The following B3GALT4 variants were observed in gnomAD, a reference collection of about 807,000 sequenced individuals.
B3GALT4 encodes the protein beta-1,3-galactosyltransferase 4.
A neutral mutation model predicts 1.6 loss-of-function variants in B3GALT4; 1 was observed. The observed-to-expected ratio is 0.64, with a 90% CI of 0.23 to 3.05. The LOEUF (loss-of-function observed/expected upper bound fraction) is 3.05, where lower values mean the gene tolerates loss of function less well. B3GALT4 is among the 30% of genes most tolerant of loss of function. The pLI, the probability that B3GALT4 is intolerant of heterozygous loss-of-function variation, is 0.21. For missense variants in B3GALT4, 441 were observed against 486.9 expected, an observed-to-expected ratio of 0.91 and a Z score of 0.89; for synonymous variants, 259 against 222.6, an observed-to-expected ratio of 1.16 and a Z score of -1.46.
At position 33,278,614 on chromosome 6, in the gene B3GALT4, G is replaced by C; in HGVS notation, c.*58G>C. On this transcript the variant is annotated 3_prime_UTR_variant, in exon 1 of 1. Coordinates refer to ENST00000451237, the MANE Select transcript of B3GALT4 (RefSeq NM_003782.4). The surrounding 1 kb of genome is among the most constrained non-coding windows in gnomAD (Gnocchi z 5.2). ...GGACCTTCTCTCTCCCAGGCCCAAC[G>C]CAGGGGCCCTCACTGGCTGCAGCTG... 6.7e-7 allele frequency: 1 copy of C among 1,501,130 alleles called. No homozygotes were observed. The highest frequency in any genetic ancestry group is 1.4e-5 in the South Asian group (1 of 72,726). The allele number at this position is 1,501,130 out of a possible 1,614,324, so 93.0% of individuals were successfully genotyped here. A position where few individuals can be genotyped will look rare whatever the true frequency, so the allele number is the denominator to read the frequency against.
chr6:33,278,350 C>A lies in B3GALT4; in HGVS notation c.931C>A (p.Leu311Met). 1 of 1,607,678 alleles carries A rather than the reference C, an allele frequency of 6.2e-7. No individual in the cohort carries two copies. Among genetic ancestry groups the A allele is most frequent in the Non-Finnish European group, 8.5e-7 (1 of 1,175,684 alleles). Residue 311 changes from leucine to methionine, a missense_variant, in exon 1 of 1, where the codon CTG becomes ATG. Physicochemically the swap from Leu to Met is conservative, Grantham distance 15. Transcript: ENST00000451237. This position sits in a 1 kb window ranked among gnomAD's most constrained non-coding sequence, Gnocchi z 5.2. The part of the protein sequence containing the change: ...GGLAPTQCVK[L>M]AGATHYPLDR... ...CCTCGCCCCAACACAGTGTGTCAAG[C>A]TGGCTGGTGCCACCCACTACCCGCT...
In B3GALT4 at chr6:33,278,570, C is replaced by G. The variant is rs1290763408; in HGVS notation, c.*14C>G. On this transcript the variant is annotated 3_prime_UTR_variant, in exon 1 of 1. Transcript: ENST00000451237. This position sits in a 1 kb window ranked among gnomAD's most constrained non-coding sequence, Gnocchi z 5.2. The stretch of plus-strand genomic sequence containing the variant: ...CTTCAGAGCTGAGAGTGCCTGGGGC[C>G]ACAGGAAAGGCAGGAACAGGACCTT... The G allele has an allele frequency of 2.0e-6, 3 of 1,519,648 alleles. No homozygotes were observed. In the South Asian group the frequency reaches 4.0e-5, roughly 20 times the overall value. 94.1% of individuals were successfully genotyped at this position (1,519,648 alleles called of 1,614,324 possible).
chr6:33,278,562 C>T lies in B3GALT4; in HGVS notation c.*6C>T, dbSNP rs754869913. ...TAGCCTGGCTTCAGAGCTGAGAGTGCCTGGGGCCACAGGAAAGGCAGGAAC... is the reference window on the plus strand; with the variant it reads ...TAGCCTGGCTTCAGAGCTGAGAGTGTCTGGGGCCACAGGAAAGGCAGGAAC... On this transcript the variant is annotated 3_prime_UTR_variant, in exon 1 of 1. Transcript: ENST00000451237. The surrounding 1 kb of genome is among the most constrained non-coding windows in gnomAD (Gnocchi z 5.2). 2 of 1,521,310 alleles carry T rather than the reference C, an allele frequency of 1.3e-6. No homozygotes were observed. The highest frequency in any genetic ancestry group is 8.8e-7 in the Non-Finnish European group (1 of 1,134,568). 94.2% of individuals were successfully genotyped at this position (1,521,310 alleles called of 1,614,324 possible).
rs751142174 is a variant in B3GALT4 at position 33,277,620 on chromosome 6, CG to C, written c.205del (p.Ala69ProfsTer16). On this transcript the variant is annotated frameshift_variant, in exon 1 of 1. Transcript: ENST00000451237. LOFTEE classifies it low-confidence loss of function (END_TRUNC). The surrounding 1 kb of genome is among the most constrained non-coding windows in gnomAD (Gnocchi z 5.3). Reference protein sequence around the residue: ...IPNQEACSGPGAPPFLLILVC... With the variant: ...IPNQEACSGPXAPPFLLILVC... ...CCAACCAGGAAGCTTGCAGTGGTCC[CG>C]GGGCCCCTCCCTTCCTGCTCATCCT... 6.2e-7 allele frequency: 1 copy of C among 1,613,248 alleles called. No individual in the cohort carries two copies. Among genetic ancestry groups the C allele is most frequent in the South Asian group, 1.1e-5 (1 of 91,042 alleles).
At position 33,277,379 on chromosome 6, in the gene B3GALT4, C is replaced by T. The variant is rs1467584944; in HGVS notation, c.-41C>T. The T allele has an allele frequency of 6.3e-7, 1 of 1,589,718 alleles. No homozygotes were observed. The highest frequency in any genetic ancestry group is 8.5e-7 in the Non-Finnish European group (1 of 1,171,544). Reference sequence around the variant, plus strand: ...GACCCAGGCCCGGGGAGCTAGTCTCCGCCCTTCGCTCTTACGGATCCCCTC... The same window carrying T: ...GACCCAGGCCCGGGGAGCTAGTCTCTGCCCTTCGCTCTTACGGATCCCCTC... On this transcript the variant is annotated 5_prime_UTR_variant, in exon 1 of 1. Coordinates refer to ENST00000451237, the MANE Select transcript of B3GALT4 (RefSeq NM_003782.4). The surrounding 1 kb of genome is among the most constrained non-coding windows in gnomAD (Gnocchi z 5.3).
chr6:33,278,086 C>T lies in B3GALT4; in HGVS notation c.667C>T (p.Pro223Ser), dbSNP rs142446578. 1.2e-6 allele frequency: 2 copies of T among 1,613,764 alleles called. No homozygotes were observed. Among genetic ancestry groups the T allele is most frequent in the African/African-American group, 2.7e-5 (2 of 74,904 alleles). Reference sequence around the variant, plus strand: ...CCAGGTTTTGCACAGCGAGGAAGTGCCTCTTCTGTACTTGGGCCGGGTGCA... The same window carrying T: ...CCAGGTTTTGCACAGCGAGGAAGTGTCTCTTCTGTACTTGGGCCGGGTGCA... ...GGQVLHSEEV[P>S]LLYLGRVHWR... The change falls in exon 1 of 1, where the codon CCT becomes TCT. Residue 223 changes from proline (P) to serine (S), a missense_variant. Pro to Ser is a moderately conservative substitution (Grantham distance 74). Coordinates refer to ENST00000451237, the MANE Select transcript of B3GALT4 (RefSeq NM_003782.4). The surrounding 1 kb of genome is among the most constrained non-coding windows in gnomAD (Gnocchi z 5.2).
rs61736930 is a variant in B3GALT4 at position 33,278,091 on chromosome 6, T to A, written c.672T>A (p.Leu224=). ...GQVLHSEEVP[L]LYLGRVHWRV... is the part of the protein sequence containing the mutation. ...TTTTGCACAGCGAGGAAGTGCCTCTTCTGTACTTGGGCCGGGTGCACTGGC... is the reference window on the plus strand; with the variant it reads ...TTTTGCACAGCGAGGAAGTGCCTCTACTGTACTTGGGCCGGGTGCACTGGC... Residue 224 remains leucine, a synonymous_variant, in exon 1 of 1, where the codon CTT becomes CTA. Coordinates refer to ENST00000451237, the MANE Select transcript of B3GALT4 (RefSeq NM_003782.4). The surrounding 1 kb of genome is among the most constrained non-coding windows in gnomAD (Gnocchi z 5.2). The A allele has an allele frequency of 0.012, 19,069 of 1,613,810 alleles. 158 individuals carry two copies. Among genetic ancestry groups the A allele is most frequent in the Non-Finnish European group, 0.015 (17,197 of 1,179,894 alleles).
chr6:33,277,347 C>G lies in B3GALT4; in HGVS notation c.-73C>G. 5 of 1,542,222 alleles carry G rather than the reference C, an allele frequency of 3.2e-6. No homozygotes were observed. The highest frequency in any genetic ancestry group is 4.3e-6 in the Non-Finnish European group (5 of 1,152,178). On this transcript the variant is annotated 5_prime_UTR_variant, in exon 1 of 1. Coordinates refer to ENST00000451237, the MANE Select transcript of B3GALT4 (RefSeq NM_003782.4). This position sits in a 1 kb window ranked among gnomAD's most constrained non-coding sequence, Gnocchi z 5.3. ...TCCCGGGCGTGGTCGGTTAAGTCCC[C>G]GGCCGTGACCCAGGCCCGGGGAGCT... is the stretch of plus-strand genomic sequence containing the variant.
In B3GALT4 at chr6:33,278,090, T is replaced by C; in HGVS notation, c.671T>C (p.Leu224Pro). The change falls in exon 1 of 1, where the codon CTT becomes CCT. Residue 224 changes from leucine (L) to proline (P), a missense_variant. By Grantham distance (98) the Leu-to-Pro change is moderately conservative. Transcript: ENST00000451237. The surrounding 1 kb of genome is among the most constrained non-coding windows in gnomAD (Gnocchi z 5.2). ...GQVLHSEEVP[L>P]LYLGRVHWRV... ...GTTTTGCACAGCGAGGAAGTGCCTC[T>C]TCTGTACTTGGGCCGGGTGCACTGG... 1 of 1,613,894 alleles carries C rather than the reference T, an allele frequency of 6.2e-7. No individual in the cohort carries two copies. Among genetic ancestry groups the C allele is most frequent in the African/African-American group, 1.3e-5 (1 of 75,016 alleles).
Position 33,278,664 on chromosome 6 carries a change from C to T in B3GALT4, c.*108C>T, listed in dbSNP as rs1745704789. 2 of 1,435,842 alleles carry T rather than the reference C, an allele frequency of 1.4e-6. No homozygotes were observed. Among genetic ancestry groups the T allele is most frequent in the Non-Finnish European group, 1.8e-6 (2 of 1,091,162 alleles). The allele number at this position is 1,435,842 out of a possible 1,614,324, so 88.9% of individuals were successfully genotyped here. A position where few individuals can be genotyped will look rare whatever the true frequency, so the allele number is the denominator to read the frequency against. ...GATCTGTTTCCTTATACCAGATCCT[C>T]AGTCTCACTAAAGACAGCGATATGG... On this transcript the variant is annotated 3_prime_UTR_variant, in exon 1 of 1. Transcript: ENST00000451237. The surrounding 1 kb of genome is among the most constrained non-coding windows in gnomAD (Gnocchi z 5.2).
rs952376060 is a variant in B3GALT4 at position 33,277,282 on chromosome 6, C to T, written c.-138C>T. ...AGCTGCACCGCCTCTCCCCGCCCCC[C>T]AGGGTGCGCTGGTCCCGGTCGCGCG... On this transcript the variant is annotated 5_prime_UTR_variant, in exon 1 of 1. An upstream open reading frame in the 5' UTR gains an earlier in-frame stop. Coordinates refer to ENST00000451237, the MANE Select transcript of B3GALT4 (RefSeq NM_003782.4). The surrounding 1 kb of genome is among the most constrained non-coding windows in gnomAD (Gnocchi z 5.3). The T allele has an allele frequency of 1.4e-6, 2 of 1,452,262 alleles. No homozygotes were observed. The highest frequency in any genetic ancestry group is 1.8e-6 in the Non-Finnish European group (2 of 1,104,058). 90.0% of individuals were successfully genotyped at this position (1,452,262 alleles called of 1,614,324 possible).
At position 33,278,208 on chromosome 6, in the gene B3GALT4, A is replaced by G. The variant is rs147786423; in HGVS notation, c.789A>G (p.Ser263=). 58 of 1,612,206 alleles carry G rather than the reference A, an allele frequency of 3.6e-5. No individual in the cohort carries two copies. Among genetic ancestry groups the G allele is most frequent in the Non-Finnish European group, 4.7e-5 (55 of 1,180,008 alleles). Residue 263 remains serine (S), a synonymous_variant, in exon 1 of 1, where the codon TCA becomes TCG. Coordinates refer to ENST00000451237, the MANE Select transcript of B3GALT4 (RefSeq NM_003782.4). This position sits in a 1 kb window ranked among gnomAD's most constrained non-coding sequence, Gnocchi z 5.2. ...GGGGCCCCTTTCCACCCTATGCCTCAGGCACGGGGTATGTGCTGTCAGCGT... is the reference window on the plus strand; with the variant it reads ...GGGGCCCCTTTCCACCCTATGCCTCGGGCACGGGGTATGTGCTGTCAGCGT... ...HTWGPFPPYA[S]GTGYVLSASA... is the part of the protein sequence containing the mutation.
Position 33,278,187 on chromosome 6 carries a change from C to A in B3GALT4, c.768C>A (p.Gly256=). The A allele has an allele frequency of 6.2e-7, 1 of 1,612,214 alleles. No individual in the cohort carries two copies. The highest frequency in any genetic ancestry group is 8.5e-7 in the Non-Finnish European group (1 of 1,179,926). Residue 256 remains glycine, a synonymous_variant, in exon 1 of 1, where the codon GGC becomes GGA. Transcript: ENST00000451237. This position sits in a 1 kb window ranked among gnomAD's most constrained non-coding sequence, Gnocchi z 5.2. The part of the protein sequence containing the change: ...VSEEQWPHTW[G]PFPPYASGTG... ...AGGAGCAGTGGCCTCACACCTGGGG[C>A]CCCTTTCCACCCTATGCCTCAGGCA...
rs2231260 is a variant in B3GALT4 at position 33,278,140 on chromosome 6, G to T, written c.721G>T (p.Gly241Trp). 7 of 1,613,600 alleles carry T rather than the reference G, an allele frequency of 4.3e-6. No individual in the cohort carries two copies. Among genetic ancestry groups the T allele is most frequent in the Non-Finnish European group, 5.9e-6 (7 of 1,179,978 alleles). The change falls in exon 1 of 1, where the codon GGG becomes TGG. Residue 241 changes from glycine to tryptophan, a missense_variant. By Grantham distance (184) the Gly-to-Trp change is radical. Coordinates refer to ENST00000451237, the MANE Select transcript of B3GALT4 (RefSeq NM_003782.4). This position sits in a 1 kb window ranked among gnomAD's most constrained non-coding sequence, Gnocchi z 5.2. ...HWRVNPSRTP[G>W]GRHRVSEEQW... Reference sequence around the variant, plus strand: ...GCGCGTGAACCCCTCTCGGACACCGGGGGGCAGGCACCGCGTATCAGAGGA... The same window carrying T: ...GCGCGTGAACCCCTCTCGGACACCGTGGGGCAGGCACCGCGTATCAGAGGA...
At position 33,277,443 on chromosome 6, in the gene B3GALT4, C is replaced by A; in HGVS notation, c.24C>A (p.Arg8=). The part of the protein sequence containing the change: MQLRLFR[R]LLLAALLLVI... ...CCATGCAGCTCAGGCTCTTCCGGCG[C>A]CTCCTTCTCGCCGCTTTGCTGCTGG... Residue 8 remains arginine (R), a synonymous_variant, in exon 1 of 1, where the codon CGC becomes CGA. Transcript: ENST00000451237. The surrounding 1 kb of genome is among the most constrained non-coding windows in gnomAD (Gnocchi z 5.3). The A allele has an allele frequency of 6.2e-7, 1 of 1,612,154 alleles. No individual in the cohort carries two copies. Among genetic ancestry groups the A allele is most frequent in the Non-Finnish European group, 8.5e-7 (1 of 1,179,968 alleles).
Position 33,278,581 on chromosome 6 carries a change from C to CAGGA in B3GALT4, c.*27_*30dup. The CAGGA allele has an allele frequency of 1.3e-6, 2 of 1,518,274 alleles. No individual in the cohort carries two copies. Among genetic ancestry groups the CAGGA allele is most frequent in the Non-Finnish European group, 1.8e-6 (2 of 1,133,444 alleles). 94.1% of individuals were successfully genotyped at this position (1,518,274 alleles called of 1,614,324 possible). On this transcript the variant is annotated 3_prime_UTR_variant, in exon 1 of 1. Coordinates refer to ENST00000451237, the MANE Select transcript of B3GALT4 (RefSeq NM_003782.4). This position sits in a 1 kb window ranked among gnomAD's most constrained non-coding sequence, Gnocchi z 5.2. ...AGAGTGCCTGGGGCCACAGGAAAGGCAGGAACAGGACCTTCTCTCTCCCAG... is the reference window on the plus strand; with the variant it reads ...AGAGTGCCTGGGGCCACAGGAAAGGCAGGAAGGAACAGGACCTTCTCTCTCCCAG...
rs1175965342 is a variant in B3GALT4, at chr6:33,278,139, G to T, written c.720G>T (p.Pro240=). The T allele has an allele frequency of 1.2e-6, 2 of 1,613,266 alleles. No individual in the cohort carries two copies. The highest frequency in any genetic ancestry group is 1.7e-6 in the Non-Finnish European group (2 of 1,179,884). Reference sequence around the variant, plus strand: ...GGCGCGTGAACCCCTCTCGGACACCGGGGGGCAGGCACCGCGTATCAGAGG... The same window carrying T: ...GGCGCGTGAACCCCTCTCGGACACCTGGGGGCAGGCACCGCGTATCAGAGG... ...VHWRVNPSRT[P]GGRHRVSEEQ... is the part of the protein sequence containing the mutation. The change falls in exon 1 of 1, where the codon CCG becomes CCT. Residue 240 remains proline, a synonymous_variant. Transcript: ENST00000451237. This position sits in a 1 kb window ranked among gnomAD's most constrained non-coding sequence, Gnocchi z 5.2.
Position 33,277,305 on chromosome 6 carries a change from G to T in B3GALT4, c.-115G>T, listed in dbSNP as rs1169411392. On this transcript the variant is annotated 5_prime_UTR_variant, in exon 1 of 1. Transcript: ENST00000451237. The surrounding 1 kb of genome is among the most constrained non-coding windows in gnomAD (Gnocchi z 5.3). ...CCCAGGGTGCGCTGGTCCCGGTCGC[G>T]CGCTCAGACCTCCGCATCCCGGGCG... 2 of 1,481,940 alleles carry T rather than the reference G, an allele frequency of 1.3e-6. No homozygotes were observed. The highest frequency in any genetic ancestry group is 2.9e-5 in the African/African-American group (2 of 70,058). The allele number at this position is 1,481,940 out of a possible 1,614,324, so 91.8% of individuals were successfully genotyped here. A position where few individuals can be genotyped will look rare whatever the true frequency, so the allele number is the denominator to read the frequency against.
At position 33,277,900 on chromosome 6, in the gene B3GALT4, G is replaced by C; in HGVS notation, c.481G>C (p.Ala161Pro). 6.2e-7 allele frequency: 1 copy of C among 1,614,154 alleles called. No individual in the cohort carries two copies. Among genetic ancestry groups the C allele is most frequent in the Non-Finnish European group, 8.5e-7 (1 of 1,180,032 alleles). Residue 161 changes from alanine (A) to proline (P), a missense_variant, in exon 1 of 1, where the codon GCT becomes CCT. Coordinates refer to ENST00000451237, the MANE Select transcript of B3GALT4 (RefSeq NM_003782.4). The surrounding 1 kb of genome is among the most constrained non-coding windows in gnomAD (Gnocchi z 5.3). ...AAAGACCCTCAGCGGGCTGAACTGGGCTGAGAAACACTGCCCCATGGCCCG... is the reference window on the plus strand; with the variant it reads ...AAAGACCCTCAGCGGGCTGAACTGGCCTGAGAAACACTGCCCCATGGCCCG... ...TLKTLSGLNW[A>P]EKHCPMARYV...
Sources: allele counts gnomAD v4.1 joint callset, GRCh38; gene constraint gnomAD v4.1.1; non-coding constraint Gnocchi (gnomAD v3.1); transcripts MANE v1.5; gene names NCBI Gene and HGNC (gene_info 2026-07-23, HGNC 2026-07-21).